PPM1H: variants seen among roughly 807,000 people sequenced by gnomAD.
The protein encoded by PPM1H is protein phosphatase 1H.
In PPM1H, 27 loss-of-function variants were observed where a neutral mutation model predicts 54.9. The observed-to-expected ratio is 0.49, with a 90% confidence interval of 0.36 to 0.68. The LOEUF (loss-of-function observed/expected upper bound fraction) is 0.68. PPM1H is among the 30% of genes least tolerant of loss of function. The probability of loss-of-function intolerance (pLI) is 0.00; values close to 1 mark genes in which losing one functional copy is unlikely to be tolerated. For synonymous variants in PPM1H, 305 were observed against 270.8 expected (o/e 1.13, Z -1.24); for missense variants, 596 against 667.8 (o/e 0.89, Z 1.19).
At chr12:62,690,789 T>C (rs1159790460) in intron 7 of PPM1H, among the ~76,000 whole-genome samples, 1 of 152,132 alleles carries the variant, frequency 6.6e-6, no homozygotes, top group African/African-American at 2.4e-5. Context: ...CTGGCTGACA[T>C]GGTGAAACCC....
At chr12:62,749,141 G>T (rs559106119) in intron 4 of PPM1H, among the ~76,000 whole-genome samples, 1 of 152,254 alleles carries the variant, frequency 6.6e-6, no homozygotes, top group African/African-American at 2.4e-5. Context: ...ACCTACTATT[G>T]AGCAAGGCCC....
intron 4 of PPM1H, among the ~76,000 whole-genome samples, chr12:62,787,934 C>T (rs1241486302): frequency 2.0e-5 from 3 of 152,326 alleles, no homozygotes; most frequent in African/African-American, 7.2e-5. Flanking sequence ...CTCCTCATCA[C>T]TCTCACATAT....
intron 9 of PPM1H, among the ~76,000 whole-genome samples, chr12:62,649,828 G>GT (rs2075806127): frequency 6.6e-6 from 1 of 152,144 alleles, no homozygotes; most frequent in Admixed American, 6.5e-5. Context: ...CTTGGTTAAG[G>GT]TGAGACCAAC....
intron 1 of PPM1H, among the ~76,000 whole-genome samples, chr12:62,837,393 A>G (rs1868534395): frequency 1.3e-5 from 2 of 152,248 alleles, no homozygotes; most frequent in South Asian, 4.1e-4. Flanking sequence ...TACAAAAGAT[A>G]GCCAATCAAC....
rs571823447 is a variant in PPM1H at position 62,759,763 on chromosome 12, C to G, written c.870-22177G>C. On this transcript the variant is annotated intron_variant, in intron 4 of 9. Transcript: ENST00000228705. The stretch of plus-strand genomic sequence containing the variant: ...GCAAGCACCTCCCACTCCTTTTCCA[C>G]TTTCCTGGGGGGTAAGCACCTCCCA... Among the ~76,000 whole-genome samples the G allele has an allele frequency of 1.0e-3, 157 of 151,982 alleles. 1 individual carries two copies. Among genetic ancestry groups the G allele is most frequent in the African/African-American group, 3.6e-3 (148 of 41,424 alleles).
chr12:62,689,704 G>A lies in PPM1H; in HGVS notation c.1240C>T (p.Pro414Ser). 1 of 1,612,560 alleles carries A rather than the reference G, an allele frequency of 6.2e-7. No homozygotes were observed. Among genetic ancestry groups the A allele is most frequent in the Non-Finnish European group, 8.5e-7 (1 of 1,178,856 alleles). The change falls in exon 8 of 10, where the codon CCA becomes TCA. Residue 414 changes from proline (P) to serine (S), a missense_variant. Transcript: ENST00000228705. ...ACAAAAACCTCATGCGGTACCTCTGGAGCTGAAGACAGGAATGGTTTAATG... is the reference window on the plus strand; with the variant it reads ...ACAAAAACCTCATGCGGTACCTCTGAAGCTGAAGACAGGAATGGTTTAATG... ...IYIKPFLSSA[P>S]EVRIYDLSKY... is the part of the protein sequence containing the mutation.
At chr12:62,863,650 C>T (rs924102720) in intron 1 of PPM1H, among the ~76,000 whole-genome samples, 1 of 152,266 alleles carries the variant, frequency 6.6e-6, no homozygotes, top group Middle Eastern at 3.4e-3. Flanking sequence ...TAATCTGACT[C>T]TTACTATAGG....
chr12:62,836,550 T>C (rs567170581), intron 1 of PPM1H, among the ~76,000 whole-genome samples: 1 of 152,334 alleles, frequency 6.6e-6, no homozygotes, highest in Non-Finnish European at 1.5e-5. Flanking sequence ...CAGAGTAGTT[T>C]GGTCAAGTTA....
rs1003123498 is a variant in PPM1H, at chr12:62,644,976, T to G, written c.*3513A>C. The G allele has an allele frequency of 6.6e-6, 1 of 152,344 alleles. No homozygotes were observed. The highest frequency in any genetic ancestry group is 6.5e-5 in the Admixed American group (1 of 15,308). The allele number at this position is 152,344 out of a possible 1,614,324, so 9.4% of individuals were successfully genotyped here. A position where few individuals can be genotyped will look rare whatever the true frequency, so the allele number is the denominator to read the frequency against. On this transcript the variant is annotated 3_prime_UTR_variant, in exon 10 of 10. Transcript: ENST00000228705. ...ATATTCACTCTGAAAACAGCGGAGCTGCTGGGTCGCTTAAGGAAAGCTGAG... is the reference window on the plus strand; with the variant it reads ...ATATTCACTCTGAAAACAGCGGAGCGGCTGGGTCGCTTAAGGAAAGCTGAG...
chr12:62,666,948 A>G (rs892169998), intron 9 of PPM1H, among the ~76,000 whole-genome samples: 3 of 152,176 alleles, frequency 2.0e-5, no homozygotes, highest in African/African-American at 7.2e-5. Context: ...TCCTGACCTC[A>G]TGATTCACCC....
chr12:62,786,598 C>T (rs1251317948), intron 4 of PPM1H, among the ~76,000 whole-genome samples: 1 of 152,206 alleles, frequency 6.6e-6, no homozygotes, highest in East Asian at 1.9e-4. Flanking sequence ...CTTGGCTCTG[C>T]TACAGCGTTT....
intron 6 of PPM1H, among the ~76,000 whole-genome samples, chr12:62,696,122 G>A (rs552209635): frequency 2.6e-5 from 4 of 152,004 alleles, no homozygotes; most frequent in South Asian, 2.1e-4. Context: ...GCTTAATAGA[G>A]ACAGGCGAAG....
intron 9 of PPM1H, among the ~76,000 whole-genome samples, chr12:62,653,936 G>T (rs1330498106): frequency 6.6e-6 from 1 of 152,006 alleles, no homozygotes; most frequent in Non-Finnish European, 1.5e-5. Flanking sequence ...CCAGGGAAAT[G>T]CAGTCTCCCA....
chr12:62,756,012 G>A lies in PPM1H; in HGVS notation c.870-18426C>T. On this transcript the variant is annotated intron_variant, in intron 4 of 9. Coordinates refer to ENST00000228705, the MANE Select transcript of PPM1H (RefSeq NM_020700.2). Reference sequence around the variant, plus strand: ...AATATGATGACATCAAGAAGGTGGTGAAGCAGGCGTCCGAGACCCCCTCAA... The same window carrying A: ...AATATGATGACATCAAGAAGGTGGTAAAGCAGGCGTCCGAGACCCCCTCAA... 9.2e-6 allele frequency: 13 copies of A among 1,405,846 alleles called. No homozygotes were observed. In the South Asian group the frequency reaches 1.5e-4, roughly 17 times the overall value. 87.1% of individuals were successfully genotyped at this position (1,405,846 alleles called of 1,614,324 possible). A position where few individuals can be genotyped will look rare whatever the true frequency, so the allele number is the denominator to read the frequency against.
At chr12:62,880,163 A>G (rs1870338171) in intron 1 of PPM1H, among the ~76,000 whole-genome samples, 1 of 152,224 alleles carries the variant, frequency 6.6e-6, no homozygotes, top group Non-Finnish European at 1.5e-5. Context: ...ATGCATATAC[A>G]CACACACATA....
At chr12:62,705,700 C>T (rs769190735) in intron 6 of PPM1H, among the ~76,000 whole-genome samples, 1 of 152,150 alleles carries the variant, frequency 6.6e-6, no homozygotes, top group Non-Finnish European at 1.5e-5. Flanking sequence ...TAACATTTAG[C>T]TCTCTCCACC....
chr12:62,822,202 C>T (rs995950300), intron 2 of PPM1H, among the ~76,000 whole-genome samples: 1 of 152,204 alleles, frequency 6.6e-6, no homozygotes, highest in Non-Finnish European at 1.5e-5. Flanking sequence ...ACAAGAAGAG[C>T]TAACTGTCCT....
At chr12:62,903,025 T>C (rs73318269) in intron 1 of PPM1H, among the ~76,000 whole-genome samples, 13,133 of 152,164 alleles carry the variant, frequency 0.086, 1,645 homozygotes, top group African/African-American at 0.28. Context: ...CTCAAATTGC[T>C]GGTTTTTGGA....
intron 1 of PPM1H, among the ~76,000 whole-genome samples, chr12:62,926,953 C>CA (rs1240149900): frequency 6.6e-6 from 1 of 151,908 alleles, no homozygotes; most frequent in African/African-American, 2.4e-5. Flanking sequence ...GACTCTGTCT[C>CA]AAAAAACAAC....
Sources: gnomAD v4.1 joint callset for allele counts (sites outside exome capture counted in the v4.1 genomes callset) on GRCh38, gnomAD v4.1.1 for gene constraint, MANE v1.5 for transcripts, NCBI Gene and HGNC (gene_info 2026-07-23, HGNC 2026-07-21) for gene names.